Variants in CLPB observed in about 807,000 individuals in gnomAD.
CLPB encodes ClpB family mitochondrial disaggregase.
In CLPB, 40 loss-of-function variants were observed where a neutral mutation model predicts 78.4. That is an observed-to-expected ratio of 0.51 (90% confidence interval 0.40 to 0.66). The LOEUF (loss-of-function observed/expected upper bound fraction) is 0.66. CLPB is among the 30% of genes least tolerant of loss of function. The pLI, the probability that CLPB is intolerant of heterozygous loss-of-function variation, is 0.00. For missense variants in CLPB, 780 were observed against 886.9 expected, an observed-to-expected ratio of 0.88 and a Z score of 1.53; for synonymous variants, 333 against 348.0, an observed-to-expected ratio of 0.96 and a Z score of 0.48.
At chr11:72,357,672 G>C (rs979723398) in intron 5 of CLPB, among the ~76,000 whole-genome samples, 5 of 144,156 alleles carry the variant, frequency 3.5e-5, no homozygotes, top group African/African-American at 1.3e-4. Context: ...CTCCAGCCTG[G>C]GCAACAAAAG....
chr11:72,311,359 A>G (rs1415432162), intron 7 of CLPB, among the ~76,000 whole-genome samples: 2 of 152,098 alleles, frequency 1.3e-5, no homozygotes, highest in East Asian at 3.9e-4. Flanking sequence ...TTTACAACTG[A>G]CTCACTTCAA....
At chr11:72,400,160 G>A (rs1195728325) in intron 3 of CLPB, among the ~76,000 whole-genome samples, 1 of 152,116 alleles carries the variant, frequency 6.6e-6, no homozygotes, top group African/African-American at 2.4e-5. Flanking sequence ...ATGTGGGCAG[G>A]GATCTTTGTT....
chr11:72,323,866 T>C (rs1225177773), intron 6 of CLPB, among the ~76,000 whole-genome samples: 1 of 152,102 alleles, frequency 6.6e-6, no homozygotes, highest in Admixed American at 6.5e-5. Flanking sequence ...GAAAATGTCA[T>C]CTTTTTTTAG....
At position 72,290,417 on chromosome 11, in the gene CLPB, T is replaced by A. The variant is rs1245055068; in HGVS notation, c.*2950A>T. On this transcript the variant is annotated 3_prime_UTR_variant, in exon 16 of 16. Coordinates refer to ENST00000538039, the MANE Select transcript of CLPB (RefSeq NM_001258392.3). ...CTCTTCCTTATAGTAGAATACCAATTAATAAATACAGGTAAAATAATGAAA... is the reference window on the plus strand; with the variant it reads ...CTCTTCCTTATAGTAGAATACCAATAAATAAATACAGGTAAAATAATGAAA... 2.6e-5 allele frequency: 4 copies of A among 152,162 alleles called. No homozygotes were observed. Among genetic ancestry groups the A allele is most frequent in the Non-Finnish European group, 5.9e-5 (4 of 68,022 alleles). 9.4% of individuals were successfully genotyped at this position (152,162 alleles called of 1,614,324 possible).
chr11:72,345,018 G>C (rs1950486541), intron 5 of CLPB, among the ~76,000 whole-genome samples: 1 of 152,142 alleles, frequency 6.6e-6, no homozygotes, highest in South Asian at 2.1e-4. Context: ...AAATCCAAAA[G>C]CTTGACAATA....
At chr11:72,318,655 A>C (rs895407044) in intron 6 of CLPB, among the ~76,000 whole-genome samples, 1 of 152,218 alleles carries the variant, frequency 6.6e-6, no homozygotes, top group Non-Finnish European at 1.5e-5. Context: ...CTGTTACAGT[A>C]GTGACCTTGA....
chr11:72,322,870 G>C (rs943669933), intron 6 of CLPB, among the ~76,000 whole-genome samples: 5 of 152,100 alleles, frequency 3.3e-5, no homozygotes, highest in African/African-American at 1.2e-4. Context: ...ACTGATTTGG[G>C]ACTGGGTGTT....
chr11:72,399,154 A>G (rs75696806), intron 3 of CLPB, among the ~76,000 whole-genome samples: 9,292 of 151,534 alleles, frequency 0.061, 368 homozygotes, highest in African/African-American at 0.11. Flanking sequence ...CTAAATTAAT[A>G]CTCAATTTCC....
At chr11:72,399,368 A>G (rs1396943572) in intron 3 of CLPB, among the ~76,000 whole-genome samples, 1 of 152,094 alleles carries the variant, frequency 6.6e-6, no homozygotes, top group Admixed American at 6.6e-5. Context: ...CCTTTAACCA[A>G]TATGATTTCT....
At chr11:72,327,609 A>G (rs935593427) in intron 6 of CLPB, among the ~76,000 whole-genome samples, 2 of 152,182 alleles carry the variant, frequency 1.3e-5, no homozygotes, top group Non-Finnish European at 2.9e-5. Flanking sequence ...TGGCCAGACC[A>G]GTACCTGCTC....
chr11:72,367,935 A>G (rs567838734), intron 4 of CLPB, among the ~76,000 whole-genome samples: 3 of 152,290 alleles, frequency 2.0e-5, no homozygotes, highest in African/African-American at 7.2e-5. Context: ...CAAATGGTGA[A>G]TTGTATAGTA....
At chr11:72,316,838 A>G (rs1318471835) in intron 7 of CLPB, among the ~76,000 whole-genome samples, 1 of 152,126 alleles carries the variant, frequency 6.6e-6, no homozygotes, top group Admixed American at 6.5e-5. Flanking sequence ...ATGCATAGGA[A>G]AGCAGCCTCG....
intron 2 of CLPB, among the ~76,000 whole-genome samples, chr11:72,413,698 T>C (rs1855942826): frequency 6.6e-6 from 1 of 152,248 alleles, no homozygotes; most frequent in Non-Finnish European, 1.5e-5. Context: ...TATGTTTCAA[T>C]TTCATCTAGG....
At chr11:72,379,527 A>C (rs1176936676) in intron 4 of CLPB, among the ~76,000 whole-genome samples, 3 of 152,216 alleles carry the variant, frequency 2.0e-5, no homozygotes, top group African/African-American at 7.2e-5. Context: ...CCCAACAGAC[A>C]CATGATCGAG....
chr11:72,308,469 C>T, intron 8 of CLPB, 58 bp downstream of exon 8: 2 of 1,517,828 alleles, frequency 1.3e-6, no homozygotes, highest in Non-Finnish European at 1.8e-6. Context: ...GGCTGTCAGA[C>T]TTGGGCCGGG....
intron 2 of CLPB, among the ~76,000 whole-genome samples, chr11:72,411,365 G>A (rs1225561127): frequency 6.6e-6 from 1 of 152,208 alleles, no homozygotes; most frequent in Non-Finnish European, 1.5e-5. Context: ...TGTGGATACA[G>A]GCCTAGGGGC....
At chr11:72,334,897 T>A (rs1590809601) in intron 5 of CLPB, among the ~76,000 whole-genome samples, 1 of 152,246 alleles carries the variant, frequency 6.6e-6, no homozygotes, top group African/African-American at 2.4e-5. Flanking sequence ...TAATATTTGA[T>A]AAATAGCAGA....
chr11:72,367,589 T>G (rs925378273), intron 4 of CLPB, among the ~76,000 whole-genome samples: 37 of 151,892 alleles, frequency 2.4e-4, no homozygotes, highest in African/African-American at 8.5e-4. Flanking sequence ...ATGGCAACAA[T>G]AGACACCAGG....
chr11:72,294,191 G>A, intron 14 of CLPB, 65 bp from the exon 15 acceptor site: 1 of 1,606,654 alleles, frequency 6.2e-7, no homozygotes, highest in South Asian at 1.1e-5. Flanking sequence ...TTGCCACTCT[G>A]GCCTGAGGCC....
Sources: gnomAD v4.1 joint callset for allele counts (sites outside exome capture counted in the v4.1 genomes callset) on GRCh38, gnomAD v4.1.1 for gene constraint, MANE v1.5 for transcripts, NCBI Gene and HGNC (gene_info 2026-07-23, HGNC 2026-07-21) for gene names.